The following ZNF804B variants were observed in gnomAD, a reference collection of about 807,000 sequenced individuals.
ZNF804B encodes the protein zinc finger protein 804B, also known as zinc finger 804B.
Under a neutral mutation model 101.4 loss-of-function variants are expected in ZNF804B, and 80 were observed. That is an observed-to-expected ratio of 0.79 (90% CI 0.66 to 0.95). The LOEUF is 0.95. ZNF804B is among the 40% of genes least tolerant of loss of function. ZNF804B has a pLI of 0.00. For synonymous variants in ZNF804B, 622 were observed against 558.8 expected (o/e 1.11, Z -1.59); for missense variants, 1,673 against 1,561.9 (o/e 1.07, Z -1.20).
intron 1 of ZNF804B, among the ~76,000 whole-genome samples, chr7:89,198,761 G>A (rs12665966): frequency 0.74 from 112,591 of 151,700 alleles, 42,865 homozygotes; most frequent in African/African-American, 0.87. Context: ...AACAAGTACA[G>A]AAAAACAAAA....
intron 1 of ZNF804B, among the ~76,000 whole-genome samples, chr7:89,045,298 C>T (rs767889342): frequency 2.9e-4 from 44 of 152,200 alleles, no homozygotes; most frequent in Admixed American, 3.3e-4. Context: ...GGGCGGAACC[C>T]TCATAGAAAA....
chr7:88,875,159 A>G (rs978462938), intron 1 of ZNF804B, among the ~76,000 whole-genome samples: 4 of 143,536 alleles, frequency 2.8e-5, no homozygotes, highest in Non-Finnish European at 6.0e-5. Flanking sequence ...CATTCAAAGC[A>G]GTGTGTAGAG....
At chr7:88,851,210 C>T (rs1791446711) in intron 1 of ZNF804B, among the ~76,000 whole-genome samples, 1 of 151,958 alleles carries the variant, frequency 6.6e-6, no homozygotes, top group South Asian at 2.1e-4. Flanking sequence ...AGGAGTAGGG[C>T]ATAAAAATAT....
intron 1 of ZNF804B, among the ~76,000 whole-genome samples, chr7:89,172,515 C>T (rs1400923313): frequency 6.6e-6 from 1 of 152,104 alleles, no homozygotes; most frequent in Non-Finnish European, 1.5e-5. Flanking sequence ...TTTTCTTTTG[C>T]CTTGTCAAGT....
intron 1 of ZNF804B, among the ~76,000 whole-genome samples, chr7:89,143,659 G>T (rs1461143743): frequency 6.6e-6 from 1 of 151,826 alleles, no homozygotes; most frequent in Non-Finnish European, 1.5e-5. Context: ...CCATAAATTT[G>T]ATGTTTGTTC....
At chr7:88,868,967 T>G (rs1345859386) in intron 1 of ZNF804B, among the ~76,000 whole-genome samples, 2 of 152,238 alleles carry the variant, frequency 1.3e-5, no homozygotes, top group Non-Finnish European at 2.9e-5. Flanking sequence ...AATCACCTAT[T>G]GAAGATGCTT....
chr7:89,211,322 TTTGTTGTTG>T (rs758060027), intron 1 of ZNF804B, among the ~76,000 whole-genome samples: 7 of 152,136 alleles, frequency 4.6e-5, no homozygotes, highest in African/African-American at 1.2e-4. Context: ...TAGTGGGTTT[TTTGTTGTTG>T]TTGTTGTTTG....
chr7:89,311,679 A>G (rs1003381156), intron 2 of ZNF804B, among the ~76,000 whole-genome samples: 1 of 152,204 alleles, frequency 6.6e-6, no homozygotes, highest in Non-Finnish European at 1.5e-5. Context: ...TGAACATGGC[A>G]ATTAAAAGCC....
chr7:89,040,803 G>A (rs147392820), intron 1 of ZNF804B, among the ~76,000 whole-genome samples: 58 of 152,234 alleles, frequency 3.8e-4, no homozygotes, highest in African/African-American at 1.2e-3. Context: ...CAGTTATTAC[G>A]TGCAGTTTAT....
At chr7:88,989,563 TAC>T (rs977659928) in intron 1 of ZNF804B, among the ~76,000 whole-genome samples, 1 of 152,082 alleles carries the variant, frequency 6.6e-6, no homozygotes, top group Non-Finnish European at 1.5e-5. Flanking sequence ...TTAGAGTTTC[TAC>T]AAAAGAATGA....
chr7:89,281,842 TA>T (rs1790100919), intron 2 of ZNF804B, among the ~76,000 whole-genome samples: 1 of 151,978 alleles, frequency 6.6e-6, no homozygotes, highest in African/African-American at 2.4e-5. Context: ...AATTGTAAAG[TA>T]AAGGATAATA....
chr7:88,826,860 T>C (rs1407183922), intron 1 of ZNF804B, among the ~76,000 whole-genome samples: 3 of 152,128 alleles, frequency 2.0e-5, no homozygotes, highest in South Asian at 2.1e-4. Context: ...ATGTACCTGA[T>C]TCATTAATCA....
chr7:88,763,889 G>A (rs1236341599), intron 1 of ZNF804B, among the ~76,000 whole-genome samples: 1 of 151,924 alleles, frequency 6.6e-6, no homozygotes, highest in Non-Finnish European at 1.5e-5. Flanking sequence ...TTAATAATTG[G>A]GAGCACTTAG....
At chr7:89,309,690 G>A (rs1790619169) in intron 2 of ZNF804B, among the ~76,000 whole-genome samples, 1 of 146,858 alleles carries the variant, frequency 6.8e-6, no homozygotes, top group Non-Finnish European at 1.5e-5. Flanking sequence ...AACCATGCAG[G>A]CGGAGGTTAC....
intron 1 of ZNF804B, among the ~76,000 whole-genome samples, chr7:89,192,848 T>G (rs1419269713): frequency 1.3e-5 from 2 of 152,226 alleles, no homozygotes; most frequent in Admixed American, 6.6e-5. Context: ...TAGTTCAACA[T>G]TCATAAATAA....
At chr7:89,069,300 G>A (rs192975968) in intron 1 of ZNF804B, among the ~76,000 whole-genome samples, 4 of 152,244 alleles carry the variant, frequency 2.6e-5, no homozygotes, top group African/African-American at 4.8e-5. Context: ...GGGCAAGGCC[G>A]TCCCCACAGA....
chr7:89,011,786 C>A (rs1045320148), intron 1 of ZNF804B, among the ~76,000 whole-genome samples: 3 of 152,236 alleles, frequency 2.0e-5, no homozygotes, highest in Middle Eastern at 3.4e-3. Flanking sequence ...CTTTTATGGG[C>A]TGGCTTTGAC....
chr7:89,322,099 T>C (rs952318887), intron 2 of ZNF804B, among the ~76,000 whole-genome samples: 5 of 152,268 alleles, frequency 3.3e-5, no homozygotes, highest in Non-Finnish European at 2.9e-5. Context: ...TATGGACCAA[T>C]CACAAAATGT....
intron 1 of ZNF804B, among the ~76,000 whole-genome samples, chr7:88,773,814 G>A (rs1448884749): frequency 6.6e-6 from 1 of 151,868 alleles, no homozygotes; most frequent in Non-Finnish European, 1.5e-5. Context: ...GGGGGTGAGG[G>A]AGATGCCACT....
Sources: allele counts gnomAD v4.1 joint callset (sites outside exome capture counted in the v4.1 genomes callset), GRCh38; gene constraint gnomAD v4.1.1; transcripts MANE v1.5; gene names NCBI Gene and HGNC (gene_info 2026-07-23, HGNC 2026-07-21).